BEAN1: variants seen among roughly 807,000 people sequenced by gnomAD.
BEAN1 encodes the protein brain expressed associated with NEDD4 1.
A neutral mutation model predicts 17.7 loss-of-function variants in BEAN1; 17 were observed. The observed-to-expected ratio is 0.96, with a 90% CI of 0.66 to 1.44. The LOEUF is 1.44. Among genes scored for constraint, BEAN1 ranks in the 40% most tolerant of loss-of-function variants. BEAN1 has a pLI of 0.00. For synonymous variants in BEAN1, 142 were observed against 151.8 expected, an observed-to-expected ratio of 0.94 and a Z score of 0.47; for missense variants, 359 against 374.1, an observed-to-expected ratio of 0.96 and a Z score of 0.33.
rs1963406217 is a variant in BEAN1, at chr16:66,469,848, A to T, written c.272A>T (p.Glu91Val). 5.2e-6 allele frequency: 8 copies of T among 1,534,660 alleles called. No individual in the cohort carries two copies. Among genetic ancestry groups the T allele is most frequent in the Non-Finnish European group, 7.0e-6 (8 of 1,146,650 alleles). ...HHHHRRRRHR[E>V]YEHGYVSDEH... The stretch of plus-strand genomic sequence containing the variant: ...CACCACCGCCGGCGTCGACACCGAG[A>T]GTACGAGCACGGCTACGGTGAGCCG... The change falls in exon 3 of 5, where the codon GAG (glutamate) becomes GTG (valine). Residue 91 changes from glutamate to valine, a missense_variant. Glu to Val is a moderately radical substitution (Grantham distance 121, BLOSUM62 -2). Coordinates refer to ENST00000536005, the MANE Select transcript of BEAN1 (RefSeq NM_001178020.3).
intron 3 of BEAN1, 61 bp downstream of exon 3, chr16:66,469,926 G>A (rs1963412335): frequency 6.6e-7 from 1 of 1,504,074 alleles, no homozygotes; most frequent in Middle Eastern, 2.4e-4. Flanking sequence ...CAACACAGGA[G>A]GCATCAAGGA....
At chr16:66,460,070 T>TGAGCTTCCTCG (rs1321214786) in intron 2 of BEAN1, among the ~76,000 whole-genome samples, 2 of 152,220 alleles carry the variant, frequency 1.3e-5, no homozygotes, top group Non-Finnish European at 2.9e-5. Context: ...AAATGGCTCC[T>TGAGCTTCCTCG]GAGCTTCCTC....
At chr16:66,437,810 T>A (rs1260020607) in intron 2 of BEAN1, 109 bp downstream of exon 2, 19 of 1,375,856 alleles carry the variant, frequency 1.4e-5, no homozygotes, top group Admixed American at 2.0e-5. Context: ...ACTGCAGGGG[T>A]CCAACCAGAG....
intron 1 of BEAN1, among the ~76,000 whole-genome samples, chr16:66,435,709 G>A (rs965787218): frequency 1.3e-5 from 2 of 152,026 alleles, no homozygotes; most frequent in African/African-American, 2.4e-5. Context: ...GGATGGTCTC[G>A]ATCTCCTGAC....
At position 66,474,161 on chromosome 16, in the gene BEAN1, G is replaced by A. The variant is rs537177721; in HGVS notation, c.290-3399G>A. ...CCAAAACTCTCTTTGCCTCAGGCGA[G>A]TCATCTATAAAACTGGTGCAAGAGG... is the stretch of plus-strand genomic sequence containing the variant. On this transcript the variant is annotated intron_variant, in intron 3 of 4. Coordinates refer to ENST00000536005, the MANE Select transcript of BEAN1 (RefSeq NM_001178020.3). 4.6e-5 allele frequency among the ~76,000 whole-genome samples: 7 copies of A among 152,296 alleles called. No homozygotes were observed. The East Asian group carries it at 1.4e-3, about 29-fold the overall frequency.
intron 3 of BEAN1, among the ~76,000 whole-genome samples, chr16:66,474,618 AAGGGAGGGAGGGAGGGAGGG>A (rs1195980397): frequency 6.9e-4 from 4 of 5,808 alleles, no homozygotes; most frequent in South Asian, 0.013. Context: ...GGGAGGGAGG[AAGGGAGGGAGGGAGGGAGGG>A]AGGGAGGGAG....
chr16:66,438,312 A>G (rs1962112209), intron 2 of BEAN1, among the ~76,000 whole-genome samples: 1 of 150,542 alleles, frequency 6.6e-6, no homozygotes, highest in Admixed American at 6.6e-5. Flanking sequence ...TGAATCCGGG[A>G]GGCGGAGGTT....
intron 2 of BEAN1, among the ~76,000 whole-genome samples, chr16:66,461,569 G>C (rs147070281): frequency 6.4e-5 from 9 of 140,836 alleles, no homozygotes; most frequent in Non-Finnish European, 7.8e-5. Flanking sequence ...GGCAGGCGCA[G>C]ACACACACAC....
At position 66,443,479 on chromosome 16, in the gene BEAN1, TG is replaced by T. The variant is rs1364315987; in HGVS notation, c.25+5780del. On this transcript the variant is annotated intron_variant, in intron 2 of 4. Transcript: ENST00000536005. Reference sequence around the variant, plus strand: ...GGCTCAATCTTAGCCAAACCACAGCTGGAAAAAGGACAAGGGTGGAGCCAAA... The same window carrying T: ...GGCTCAATCTTAGCCAAACCACAGCTGAAAAAGGACAAGGGTGGAGCCAAA... 2.3e-4 allele frequency among the ~76,000 whole-genome samples: 35 copies of T among 152,196 alleles called. No individual in the cohort carries two copies. The East Asian group carries it at 2.7e-3, about 12-fold the overall frequency.
At chr16:66,462,457 C>T (rs776198541) in intron 2 of BEAN1, among the ~76,000 whole-genome samples, 2 of 152,170 alleles carry the variant, frequency 1.3e-5, no homozygotes. Flanking sequence ...TTAATGAGCA[C>T]CTATTATGTG....
At chr16:66,479,177 T>G (rs1963887153) in intron 4 of BEAN1, 1 of 151,950 alleles carries the variant, frequency 6.6e-6, no homozygotes, top group Non-Finnish European at 1.5e-5. Context: ...GGCTCAGGGT[T>G]AGACCTGAGC....
intron 2 of BEAN1, among the ~76,000 whole-genome samples, chr16:66,457,936 G>A (rs900129354): frequency 2.0e-5 from 3 of 151,428 alleles, no homozygotes; most frequent in South Asian, 2.1e-4. Context: ...TGCCTGAGTC[G>A]TGTTCCCTAC....
chr16:66,437,786 T>C (rs893993306), intron 2 of BEAN1, 85 bp downstream of exon 2: 2 of 1,463,844 alleles, frequency 1.4e-6, no homozygotes, highest in Non-Finnish European at 9.2e-7. Context: ...CGGCTTGAGG[T>C]GTTTGGCCAA....
Position 66,469,740 on chromosome 16 carries a change from T to C in BEAN1, c.164T>C (p.Ile55Thr). The stretch of plus-strand genomic sequence containing the variant: ...ATCATCCTCTCCTGCATCACCATCA[T>C]TGTGGGCAGCATCCGCAGGGACAGG... ...VVIILSCITI[I>T]VGSIRRDRQA... The change falls in exon 3 of 5, where the codon ATT becomes ACT. Residue 55 changes from isoleucine to threonine, a missense_variant. Physicochemically the swap from Ile to Thr is moderately conservative, Grantham distance 89 (BLOSUM62 -1). Coordinates refer to ENST00000536005, the MANE Select transcript of BEAN1 (RefSeq NM_001178020.3). 3 of 1,536,130 alleles carry C rather than the reference T, an allele frequency of 2.0e-6. No homozygotes were observed. Among genetic ancestry groups the C allele is most frequent in the South Asian group, 1.2e-5 (1 of 84,058 alleles).
Position 66,434,857 on chromosome 16 carries a change from T to C in BEAN1, c.-82-2738T>C, listed in dbSNP as rs1312137131. Among the ~76,000 whole-genome samples, 1 of 152,130 alleles carries C rather than the reference T, an allele frequency of 6.6e-6. No individual in the cohort carries two copies. Among genetic ancestry groups the C allele is most frequent in the African/African-American group, 2.4e-5 (1 of 41,438 alleles). ...AGGTTGGCTTGCTCTAGTGTTTCCA[T>C]GCACTTTTGAACTTCCCCTCCGTTC... On this transcript the variant is annotated intron_variant, in intron 1 of 4. Transcript: ENST00000536005. The surrounding 1 kb of genome is among the most constrained non-coding windows in gnomAD (Gnocchi z 4.3).
Position 66,435,942 on chromosome 16 carries a change from C to T in BEAN1, c.-82-1653C>T, listed in dbSNP as rs887662766. On this transcript the variant is annotated intron_variant, in intron 1 of 4. Coordinates refer to ENST00000536005, the MANE Select transcript of BEAN1 (RefSeq NM_001178020.3). ...TGGTGTCCTCATATTCTTCTTAGCC[C>T]CTCCCAAGCAGGGATGGCAAGCCTC... Among the ~76,000 whole-genome samples the T allele has an allele frequency of 4.9e-4, 75 of 152,064 alleles. 1 individual carries two copies. Among genetic ancestry groups the T allele is most frequent in the African/African-American group, 1.7e-3 (70 of 41,400 alleles).
At chr16:66,430,398 G>A (rs781464723) in intron 1 of BEAN1, among the ~76,000 whole-genome samples, 1 of 152,160 alleles carries the variant, frequency 6.6e-6, no homozygotes, top group Non-Finnish European at 1.5e-5. Context: ...GGCTTGAAAC[G>A]TTTAAGGACT....
At chr16:66,438,450 T>C (rs1038356484) in intron 2 of BEAN1, among the ~76,000 whole-genome samples, 2 of 152,152 alleles carry the variant, frequency 1.3e-5, no homozygotes, top group African/African-American at 2.4e-5. Context: ...GAAAACCCAC[T>C]GCTCCTCTCA....
In BEAN1 at chr16:66,469,651, C is replaced by G; in HGVS notation, c.75C>G (p.Ser25Arg). Residue 25 changes from serine (S) to arginine (R), a missense_variant, in exon 3 of 5, where the codon AGC becomes AGG. Physicochemically the swap from Ser to Arg is moderately radical, Grantham distance 110. Transcript: ENST00000536005. ...ACTTCTACCCCACATTCTCAGAGAG[C>G]TCGGAGCACAGCCATCTGCTCGTGT... is the stretch of plus-strand genomic sequence containing the variant. Reference protein sequence around the residue: ...TSYFYPTFSESSEHSHLLVSP... With the variant: ...TSYFYPTFSERSEHSHLLVSP... 6.5e-7 allele frequency: 1 copy of G among 1,536,078 alleles called. No homozygotes were observed. The highest frequency in any genetic ancestry group is 8.7e-7 in the Non-Finnish European group (1 of 1,146,820).
Sources: gnomAD v4.1 joint callset for allele counts (sites outside exome capture counted in the v4.1 genomes callset) on GRCh38, gnomAD v4.1.1 for gene constraint, Gnocchi (gnomAD v3.1) non-coding constraint, MANE v1.5 for transcripts, NCBI Gene and HGNC (gene_info 2026-07-23, HGNC 2026-07-21) for gene names.